ROBO1: variants seen among roughly 807,000 people sequenced by gnomAD.
The protein encoded by ROBO1 is roundabout guidance receptor 1.
In ROBO1, 149 loss-of-function variants were observed where a neutral mutation model predicts 195.9. The observed-to-expected ratio is 0.76, with a 90% confidence interval of 0.67 to 0.87. The LOEUF is 0.87. Among genes scored for constraint, ROBO1 ranks in the 40% least tolerant of loss-of-function variants. ROBO1 has a pLI of 0.00. For synonymous variants in ROBO1, 816 were observed against 733.2 expected, an observed-to-expected ratio of 1.11 and a Z score of -1.82; for missense variants, 1,933 against 2,068.3, an observed-to-expected ratio of 0.93 and a Z score of 1.27.
intron 2 of ROBO1, among the ~76,000 whole-genome samples, chr3:79,283,262 T>G (rs2031646144): frequency 6.6e-6 from 1 of 152,178 alleles, no homozygotes; most frequent in Non-Finnish European, 1.5e-5. Flanking sequence ...AAACTACCTA[T>G]GGGGTACTAT....
intron 2 of ROBO1, among the ~76,000 whole-genome samples, chr3:79,173,722 A>G (rs915033654): frequency 2.1e-4 from 32 of 152,280 alleles, no homozygotes; most frequent in African/African-American, 7.5e-4. Flanking sequence ...AGGGTGCAGG[A>G]CCGGCAGGCA....
intron 3 of ROBO1, among the ~76,000 whole-genome samples, chr3:79,017,237 A>C (rs560219076): frequency 6.6e-6 from 1 of 152,288 alleles, no homozygotes; most frequent in South Asian, 2.1e-4. Flanking sequence ...CATTTAGCTG[A>C]CGTATGTGGT....
chr3:79,357,072 T>C (rs914252582), intron 2 of ROBO1, among the ~76,000 whole-genome samples: 8 of 152,292 alleles, frequency 5.3e-5, no homozygotes, highest in African/African-American at 1.9e-4. Flanking sequence ...TATCTTTATT[T>C]CTGCTTCTGG....
At chr3:78,661,797 A>G (rs1707420984) in intron 15 of ROBO1, among the ~76,000 whole-genome samples, 196 bp downstream of exon 15, 1 of 152,214 alleles carries the variant, frequency 6.6e-6, no homozygotes, top group Admixed American at 6.5e-5. Flanking sequence ...CTACTGCAGC[A>G]CAATAGGAAA....
At chr3:79,646,119 A>G (rs113947935) in intron 1 of ROBO1, among the ~76,000 whole-genome samples, 1 of 152,126 alleles carries the variant, frequency 6.6e-6, no homozygotes, top group Non-Finnish European at 1.5e-5. Context: ...ACAGCTAAGG[A>G]AACAATCAAT....
intron 2 of ROBO1, among the ~76,000 whole-genome samples, chr3:79,237,854 A>G (rs1423287669): frequency 6.6e-6 from 1 of 152,186 alleles, no homozygotes; most frequent in African/African-American, 2.4e-5. Context: ...ACCATGATCC[A>G]CTTAACCTAA....
rs752725218 is a variant in ROBO1 at position 79,070,898 on chromosome 3, C to T, written c.172+54558G>A. 3.3e-5 allele frequency among the ~76,000 whole-genome samples: 5 copies of T among 151,552 alleles called. No individual in the cohort carries two copies. In the East Asian group the frequency reaches 9.9e-4, roughly 30 times the overall value. ...GACTCTATAGCTAATTCTTTTTATA[C>T]TGACTTTTAAAATTTTTTATTAGTT... On this transcript the variant is annotated intron_variant, in intron 3 of 30. Coordinates refer to ENST00000464233, the MANE Select transcript of ROBO1 (RefSeq NM_002941.4).
chr3:79,298,006 C>CT (rs2032685014), intron 2 of ROBO1, among the ~76,000 whole-genome samples: 1 of 151,694 alleles, frequency 6.6e-6, no homozygotes, highest in Non-Finnish European at 1.5e-5. Flanking sequence ...ATGTCTGGGA[C>CT]TTTAATGTTT....
chr3:79,166,560 C>CTTTTTTT lies in ROBO1; in HGVS notation c.89-41028_89-41022dup, dbSNP rs968334923. Among the ~76,000 whole-genome samples, 110 of 135,090 alleles carry CTTTTTTT rather than the reference C, an allele frequency of 8.1e-4. 1 individual carries two copies. The highest frequency in any genetic ancestry group is 4.1e-3 in the Middle Eastern group (1 of 244). The allele number at this position is 135,090 out of a possible 152,430, so 88.6% of individuals were successfully genotyped here. On this transcript the variant is annotated intron_variant, in intron 2 of 30. Coordinates refer to ENST00000464233, the MANE Select transcript of ROBO1 (RefSeq NM_002941.4). The stretch of plus-strand genomic sequence containing the variant: ...GATGGAAGGCAAGTTTTCTATTTTT[C>CTTTTTTT]TTTTTTTTTTTTTTTTTATTTTTGA...
At chr3:79,598,574 C>T (rs1439354221) in intron 1 of ROBO1, among the ~76,000 whole-genome samples, 1 of 151,688 alleles carries the variant, frequency 6.6e-6, no homozygotes, top group Non-Finnish European at 1.5e-5. Flanking sequence ...CAATTTTTAC[C>T]ACCTCCCCCA....
intron 2 of ROBO1, among the ~76,000 whole-genome samples, chr3:79,311,949 C>A (rs898495095): frequency 1.2e-4 from 18 of 152,076 alleles, no homozygotes; most frequent in Admixed American, 1.2e-3. Context: ...GACCTTTTAC[C>A]TTCACTCCAG....
At chr3:79,488,094 T>A (rs1053832891) in intron 2 of ROBO1, among the ~76,000 whole-genome samples, 3 of 152,164 alleles carry the variant, frequency 2.0e-5, no homozygotes, top group Non-Finnish European at 4.4e-5. Flanking sequence ...AAAAAAATAA[T>A]GCTTTCTTTT....
chr3:79,248,082 T>C (rs2082656242), intron 2 of ROBO1, among the ~76,000 whole-genome samples: 1 of 152,088 alleles, frequency 6.6e-6, no homozygotes, highest in South Asian at 2.1e-4. Context: ...CTGCAGTTAT[T>C]AGAGAAGCAG....
chr3:78,926,878 G>A (rs530703476), intron 4 of ROBO1, among the ~76,000 whole-genome samples: 1 of 152,166 alleles, frequency 6.6e-6, no homozygotes, highest in East Asian at 1.9e-4. Flanking sequence ...CCTATCTCAG[G>A]CATTAAATTT....
rs930117585 is a variant in ROBO1 at position 79,432,097 on chromosome 3, T to G, written c.88+157727A>C. The stretch of plus-strand genomic sequence containing the variant: ...GCTGATAATCCTAATTAGAAGAAAT[T>G]ATTTCTTTTTGTTTTTTAGATTTAG... On this transcript the variant is annotated intron_variant, in intron 2 of 30. Coordinates refer to ENST00000464233, the MANE Select transcript of ROBO1 (RefSeq NM_002941.4). Among the ~76,000 whole-genome samples, 4 of 152,124 alleles carry G rather than the reference T, an allele frequency of 2.6e-5. No individual in the cohort carries two copies. In the East Asian group the frequency reaches 5.8e-4, roughly 22 times the overall value.
chr3:79,536,666 T>C (rs1941877837), intron 2 of ROBO1, among the ~76,000 whole-genome samples: 1 of 151,678 alleles, frequency 6.6e-6, no homozygotes, highest in Admixed American at 6.6e-5. Context: ...CATGAAACAA[T>C]ATCAATAATC....
At chr3:79,019,416 G>A (rs768106878) in intron 3 of ROBO1, 15 of 985,978 alleles carry the variant, frequency 1.5e-5, no homozygotes, top group Non-Finnish European at 1.8e-5. Flanking sequence ...GATCAGCGGC[G>A]TCTGAAGTTT....
intron 3 of ROBO1, among the ~76,000 whole-genome samples, chr3:79,053,731 C>T (rs2078749858): frequency 6.6e-6 from 1 of 152,042 alleles, no homozygotes; most frequent in South Asian, 2.1e-4. Flanking sequence ...TTTGCCTTAT[C>T]TACACATGCT....
intron 2 of ROBO1, among the ~76,000 whole-genome samples, chr3:79,466,268 A>G (rs1479604539): frequency 2.0e-5 from 3 of 152,194 alleles, no homozygotes; most frequent in Non-Finnish European, 4.4e-5. Context: ...TAATGTTTTC[A>G]ATGATATTGT....
Sources: gnomAD v4.1 joint callset for allele counts (sites outside exome capture counted in the v4.1 genomes callset) on GRCh38, gnomAD v4.1.1 for gene constraint, MANE v1.5 for transcripts, NCBI Gene and HGNC (gene_info 2026-07-23, HGNC 2026-07-21) for gene names.